NRP2: variants seen among roughly 807,000 people sequenced by gnomAD.
NRP2 encodes the protein neuropilin 2, also known as neuropilin-2.
In NRP2, 52 loss-of-function variants were observed where a neutral mutation model predicts 110.4. The observed-to-expected ratio is 0.47, with a 90% CI of 0.38 to 0.59. NRP2 has a LOEUF of 0.59. Ranked by LOEUF, NRP2 falls within the 20% of genes least tolerant of loss-of-function variation. The pLI, the probability that NRP2 is intolerant of heterozygous loss-of-function variation, is 0.00. For missense variants in NRP2, 1,049 were observed against 1,203.0 expected, an observed-to-expected ratio of 0.87 and a Z score of 1.89; for synonymous variants, 508 against 468.9, an observed-to-expected ratio of 1.08 and a Z score of -1.08.
intron 9 of NRP2, among the ~76,000 whole-genome samples, chr2:205,745,401 C>A (rs907674186): frequency 2.0e-5 from 3 of 151,766 alleles, no homozygotes; most frequent in African/African-American, 7.2e-5. Context: ...AAACTGCCTT[C>A]CCCCCTCTCT....
At chr2:205,781,632 A>G (rs2105958416) in intron 15 of NRP2, among the ~76,000 whole-genome samples, 1 of 152,344 alleles carries the variant, frequency 6.6e-6, no homozygotes, top group East Asian at 1.9e-4. Flanking sequence ...CATCTGAGCC[A>G]AACTGCAGAT....
chr2:205,775,830 T>A (rs933486855), intron 15 of NRP2, among the ~76,000 whole-genome samples: 8 of 152,190 alleles, frequency 5.3e-5, no homozygotes, highest in Admixed American at 3.9e-4. Flanking sequence ...TGTGTATGTG[T>A]GTGTGTGAGA....
At chr2:205,703,184 T>C (rs2056598806) in intron 2 of NRP2, among the ~76,000 whole-genome samples, 1 of 152,212 alleles carries the variant, frequency 6.6e-6, no homozygotes, top group Non-Finnish European at 1.5e-5. Context: ...CAGACAGATC[T>C]GTGTTCCCTA....
In NRP2 at chr2:205,745,634, C is replaced by T; in HGVS notation, c.1642-112C>T. The T allele has an allele frequency of 3.3e-6, 4 of 1,204,954 alleles. No homozygotes were observed. In the South Asian group the frequency reaches 3.8e-5, roughly 12 times the overall value. 74.6% of individuals were successfully genotyped at this position (1,204,954 alleles called of 1,614,324 possible). A position where few individuals can be genotyped will look rare whatever the true frequency, so the allele number is the denominator to read the frequency against. The stretch of plus-strand genomic sequence containing the variant: ...CAGTGACCAGGAATCAACTAGGAAG[C>T]TGCCTTCCTAGCAGGACGTGCGGGG... On this transcript the variant is annotated intron_variant, in intron 9 of 16. Coordinates refer to ENST00000357785, the MANE Select transcript of NRP2 (RefSeq NM_003872.3).
At position 205,763,413 on chromosome 2, in the gene NRP2, G is replaced by A. The variant is rs1278614953; in HGVS notation, c.2045-261G>A. Among the ~76,000 whole-genome samples, 1 of 152,140 alleles carries A rather than the reference G, an allele frequency of 6.6e-6. No individual in the cohort carries two copies. The highest frequency in any genetic ancestry group is 2.4e-5 in the African/African-American group (1 of 41,410). ...GGCAGCTGTGCCGGGTGCTCCATGT[G>A]AAAGAGATGGAAAGGAAATGATACC... On this transcript the variant is annotated intron_variant, in intron 12 of 16. Transcript: ENST00000357785. The surrounding 1 kb of genome is among the most constrained non-coding windows in gnomAD (Gnocchi z 4.0).
At chr2:205,775,039 C>A (rs2105943968) in intron 15 of NRP2, among the ~76,000 whole-genome samples, 1 of 152,284 alleles carries the variant, frequency 6.6e-6, no homozygotes, top group South Asian at 2.1e-4. Flanking sequence ...CATGAAGGAG[C>A]CCGCAGCACT....
chr2:205,743,125 G>C, intron 8 of NRP2, 78 bp from the exon 9 acceptor site: 2 of 1,599,508 alleles, frequency 1.3e-6, no homozygotes, highest in Non-Finnish European at 1.7e-6. Context: ...CTCTTTTGCA[G>C]CTCCCTTCTT....
At chr2:205,702,798 C>G (rs965904344) in intron 2 of NRP2, among the ~76,000 whole-genome samples, 1 of 152,230 alleles carries the variant, frequency 6.6e-6, no homozygotes, top group Non-Finnish European at 1.5e-5. Context: ...CAAGCATAGT[C>G]TTGCATCTGC....
chr2:205,792,203 ATTAAC>A (rs2058308968), intron 15 of NRP2, 27 bp from the exon 16 acceptor site: 3 of 1,456,482 alleles, frequency 2.1e-6, no homozygotes, highest in South Asian at 1.1e-5. Flanking sequence ...AGAACTTGTT[ATTAAC>A]TTGTTTTTAT....
At chr2:205,773,438 G>A (rs115598009) in intron 15 of NRP2, among the ~76,000 whole-genome samples, 1 of 152,198 alleles carries the variant, frequency 6.6e-6, no homozygotes, top group African/African-American at 2.4e-5. Context: ...TAAGGAGCCA[G>A]TATAATGTCC....
chr2:205,793,894 G>A (rs1488160089), intron 16 of NRP2, among the ~76,000 whole-genome samples: 3 of 152,060 alleles, frequency 2.0e-5, no homozygotes, highest in Admixed American at 2.0e-4. Flanking sequence ...GAGGTCTGAT[G>A]GCTGGGAAAA....
Position 205,697,648 on chromosome 2 carries a change from T to G in NRP2, c.178T>G (p.Tyr60Asp). 1 of 1,614,028 alleles carries G rather than the reference T, an allele frequency of 6.2e-7. No individual in the cohort carries two copies. ...PSHQNCEWIV[Y>D]APEPNQKIVL... ...CCACCAGAACTGCGAGTGGATTGTTTACGCCCCCGAACCCAACCAGAAGAT... is the reference window on the plus strand; with the variant it reads ...CCACCAGAACTGCGAGTGGATTGTTGACGCCCCCGAACCCAACCAGAAGAT... Residue 60 changes from tyrosine to aspartate, a missense_variant, in exon 2 of 17, where the codon TAC becomes GAC. Tyr to Asp is a radical substitution (Grantham distance 160, BLOSUM62 -3). Transcript: ENST00000357785.
chr2:205,762,920 C>T (rs1371972972), intron 12 of NRP2, among the ~76,000 whole-genome samples: 4 of 152,210 alleles, frequency 2.6e-5, no homozygotes, highest in African/African-American at 4.8e-5. Context: ...TTTCCCAGAA[C>T]ACATATATTC....
Position 205,763,399 on chromosome 2 carries a change from C to T in NRP2, c.2045-275C>T, listed in dbSNP as rs899429444. On this transcript the variant is annotated intron_variant, in intron 12 of 16. Coordinates refer to ENST00000357785, the MANE Select transcript of NRP2 (RefSeq NM_003872.3). The surrounding 1 kb of genome is among the most constrained non-coding windows in gnomAD (Gnocchi z 4.0). ...CAGCCAAGACATAAGGCAGCTGTGC[C>T]GGGTGCTCCATGTGAAAGAGATGGA... Among the ~76,000 whole-genome samples the T allele has an allele frequency of 2.6e-5, 4 of 151,942 alleles. No homozygotes were observed. The highest frequency in any genetic ancestry group is 1.3e-4 in the Admixed American group (2 of 15,256).
In NRP2 at chr2:205,743,293, G is replaced by A. The variant is rs530582033; in HGVS notation, c.1382G>A (p.Ser461Asn). Reference protein sequence around the residue: ...SASSTQEYLWSPSAARLVSSR... With the variant: ...SASSTQEYLWNPSAARLVSSR... ...TCTTCCACCCAGGAATACCTCTGGAGCCCCAGTGCAGCCCGCCTGGTTAGC... is the reference window on the plus strand; with the variant it reads ...TCTTCCACCCAGGAATACCTCTGGAACCCCAGTGCAGCCCGCCTGGTTAGC... The change falls in exon 9 of 17, where the codon AGC becomes AAC. Residue 461 changes from serine to asparagine, a missense_variant. Coordinates refer to ENST00000357785, the MANE Select transcript of NRP2 (RefSeq NM_003872.3). 3 of 1,614,154 alleles carry A rather than the reference G, an allele frequency of 1.9e-6. No homozygotes were observed. Among genetic ancestry groups the A allele is most frequent in the Non-Finnish European group, 2.5e-6 (3 of 1,180,004 alleles).
At position 205,765,260 on chromosome 2, in the gene NRP2, A is replaced by T. The variant is rs1228618816; in HGVS notation, c.2308-214A>T. On this transcript the variant is annotated intron_variant, in intron 13 of 16. Coordinates refer to ENST00000357785, the MANE Select transcript of NRP2 (RefSeq NM_003872.3). ...CCTTGTTATATTTTCTTATCCCCTT[A>T]AATATGCGTTTGATTTGAACAAACT... Among the ~76,000 whole-genome samples the T allele has an allele frequency of 2.0e-5, 3 of 152,164 alleles. No homozygotes were observed. In the East Asian group the frequency reaches 5.8e-4, roughly 29 times the overall value.
intron 14 of NRP2, 107 bp downstream of exon 14, chr2:205,765,677 G>T (rs1372392417): frequency 8.4e-6 from 8 of 951,626 alleles, no homozygotes; most frequent in Non-Finnish European, 1.0e-5. Flanking sequence ...TTACCCAGTG[G>T]GTGGGGCAGC....
intron 7 of NRP2, among the ~76,000 whole-genome samples, chr2:205,734,904 G>T (rs773141407): frequency 1.9e-4 from 29 of 152,200 alleles, no homozygotes; most frequent in Non-Finnish European, 4.0e-4. Context: ...GCTGACTTCA[G>T]ATATTTACAG....
intron 7 of NRP2, among the ~76,000 whole-genome samples, chr2:205,740,289 T>C (rs773957235): frequency 1.4e-4 from 22 of 152,190 alleles, no homozygotes; most frequent in Non-Finnish European, 2.9e-4. Context: ...TTTCCTTCCC[T>C]CTAAAAGTTT....
Sources: allele counts gnomAD v4.1 joint callset (sites outside exome capture counted in the v4.1 genomes callset), GRCh38; gene constraint gnomAD v4.1.1; non-coding constraint Gnocchi (gnomAD v3.1); transcripts MANE v1.5; gene names NCBI Gene and HGNC (gene_info 2026-07-23, HGNC 2026-07-21).